SLC7A11: variants seen among roughly 807,000 people sequenced by gnomAD.
SLC7A11 encodes the protein solute carrier family 7 member 11.
Under a neutral mutation model 54.5 loss-of-function variants are expected in SLC7A11, and 35 were observed. The ratio of observed to expected loss-of-function variants is 0.64; its 90% CI spans 0.49 to 0.85. The LOEUF is 0.85. Among genes scored for constraint, SLC7A11 ranks in the 40% least tolerant of loss-of-function variants. The pLI, the probability that SLC7A11 is intolerant of heterozygous loss-of-function variation, is 0.00. For missense variants in SLC7A11, 583 were observed against 618.1 expected (o/e 0.94, Z 0.60); for synonymous variants, 230 against 225.2 (o/e 1.02, Z -0.19).
rs1211576756 is a variant in SLC7A11 at position 138,170,259 on chromosome 4, TATATATATATATACAC to T, written c.*1681_*1696del. ...GTGTGTGTGTGTGTGTGTATATATATATATATATATATACACACACACACACACACACACATACACA... is the reference window on the plus strand; with the variant it reads ...GTGTGTGTGTGTGTGTGTATATATATACACACACACACACACACATACACA... On this transcript the variant is annotated 3_prime_UTR_variant, in exon 12 of 12. Transcript: ENST00000280612. 2 of 95,934 alleles carry T rather than the reference TATATATATATATACAC, an allele frequency of 2.1e-5. No individual in the cohort carries two copies. Among genetic ancestry groups the T allele is most frequent in the Non-Finnish European group, 4.4e-5 (2 of 45,352 alleles). The allele number at this position is 95,934 out of a possible 1,614,324, so 5.9% of individuals were successfully genotyped here.
chr4:138,237,714 TATATATATATATATATATATA>T (rs1738249952), intron 1 of SLC7A11, among the ~76,000 whole-genome samples: 5 of 6,906 alleles, frequency 7.2e-4, no homozygotes, highest in African/African-American at 1.7e-3. Context: ...TATATATATA[TATATATATATATATATATATA>T]TATTTTTTTT....
intron 6 of SLC7A11, 105 bp from the exon 7 acceptor site, chr4:138,185,349 C>T (rs1736850382): frequency 3.1e-6 from 4 of 1,273,626 alleles, no homozygotes; most frequent in South Asian, 2.5e-5. Flanking sequence ...ATGGTATCTA[C>T]AATAATTATA....
Position 138,180,801 on chromosome 4 carries a change from A to G in SLC7A11, c.1117-11T>C, listed in dbSNP as rs1736722559. The G allele has an allele frequency of 1.9e-6, 3 of 1,607,018 alleles. No individual in the cohort carries two copies. The highest frequency in any genetic ancestry group is 1.1e-5 in the South Asian group (1 of 89,960). On this transcript the variant is annotated splice_polypyrimidine_tract_variant and intron_variant, in intron 9 of 11. Coordinates refer to ENST00000280612, the MANE Select transcript of SLC7A11 (RefSeq NM_014331.4). ...CATTGTCAAAGGGTGCTGAGGGGGG[A>G]AAGGGAAGCAAGCTTGGTGAATTCA...
At chr4:138,207,770 G>C (rs1032584269) in intron 6 of SLC7A11, among the ~76,000 whole-genome samples, 5 of 152,098 alleles carry the variant, frequency 3.3e-5, no homozygotes, top group Admixed American at 2.6e-4. Flanking sequence ...AAGATAAAAG[G>C]CTTCAATTAA....
chr4:138,168,216 T>C lies in SLC7A11; in HGVS notation c.*3740A>G, dbSNP rs145862671. 2 of 152,198 alleles carry C rather than the reference T, an allele frequency of 1.3e-5. No homozygotes were observed. The highest frequency in any genetic ancestry group is 2.4e-5 in the African/African-American group (1 of 41,444). 9.4% of individuals were successfully genotyped at this position (152,198 alleles called of 1,614,324 possible). ...TAGGTTCAGGACCTCGAATGGAACA[T>C]GTCTAAGTGAGAGGCACTGAAGCTT... is the stretch of plus-strand genomic sequence containing the variant. On this transcript the variant is annotated 3_prime_UTR_variant, in exon 12 of 12. Transcript: ENST00000280612.
intron 6 of SLC7A11, among the ~76,000 whole-genome samples, chr4:138,189,527 C>G (rs1240577536): frequency 1.3e-5 from 2 of 152,050 alleles, no homozygotes; most frequent in African/African-American, 4.8e-5. Flanking sequence ...TTTGTGCCTG[C>G]TTTAACTCTA....
rs887005034 is a variant in SLC7A11 at position 138,170,798 on chromosome 4, A to C, written c.*1158T>G. 4 of 152,174 alleles carry C rather than the reference A, an allele frequency of 2.6e-5. No homozygotes were observed. The highest frequency in any genetic ancestry group is 5.9e-5 in the Non-Finnish European group (4 of 68,028). The allele number at this position is 152,174 out of a possible 1,614,324, so 9.4% of individuals were successfully genotyped here. A position where few individuals can be genotyped will look rare whatever the true frequency, so the allele number is the denominator to read the frequency against. On this transcript the variant is annotated 3_prime_UTR_variant, in exon 12 of 12. Transcript: ENST00000280612. ...AATTTTCTAGAAACATCAGTTGTAA[A>C]TCTTATTTACAGCGACATTTCTTTT... is the stretch of plus-strand genomic sequence containing the variant.
In SLC7A11 at chr4:138,183,249, G is replaced by A; in HGVS notation, c.972C>T (p.Ala324=). 6.2e-7 allele frequency: 1 copy of A among 1,612,230 alleles called. No individual in the cohort carries two copies. Among genetic ancestry groups the A allele is most frequent in the Non-Finnish European group, 8.5e-7 (1 of 1,179,024 alleles). ...CGTTCATGGAGCCAAAGCAGGAGAG[G>A]GCAACAAAGATCGGAACTGCTAATG... ...NFSLAVPIFV[A]LSCFGSMNGG... is the part of the protein sequence containing the mutation. The change falls in exon 8 of 12, where the codon GCC becomes GCT. Residue 324 remains alanine, a synonymous_variant. Transcript: ENST00000280612.
At chr4:138,230,960 T>C (rs1738062743) in intron 3 of SLC7A11, among the ~76,000 whole-genome samples, 1 of 152,170 alleles carries the variant, frequency 6.6e-6, no homozygotes, top group Admixed American at 6.6e-5. Context: ...AAATGATGTT[T>C]TTCCAAAAGT....
chr4:138,215,860 C>T (rs915345012), intron 5 of SLC7A11, among the ~76,000 whole-genome samples: 3 of 152,158 alleles, frequency 2.0e-5, no homozygotes, highest in Non-Finnish European at 4.4e-5. Context: ...TAGCCAGTTC[C>T]TTCCTAACAG....
chr4:138,228,842 A>G (rs931384796), intron 3 of SLC7A11, among the ~76,000 whole-genome samples: 1 of 152,026 alleles, frequency 6.6e-6, no homozygotes, highest in Non-Finnish European at 1.5e-5. Context: ...CAAATCTATA[A>G]GATTTTCCAT....
rs1009369208 is a variant in SLC7A11, at chr4:138,232,443, T to A, written c.405-61A>T. 9 of 878,806 alleles carry A rather than the reference T, an allele frequency of 1.0e-5. No individual in the cohort carries two copies. In the African/African-American group the frequency reaches 1.2e-4, roughly 12 times the overall value. 54.4% of individuals were successfully genotyped at this position (878,806 alleles called of 1,614,324 possible). On this transcript the variant is annotated intron_variant, in intron 2 of 11. Coordinates refer to ENST00000280612, the MANE Select transcript of SLC7A11 (RefSeq NM_014331.4). ...GGGAAAAAACTGCATTTTCATTAATTTTTTCTACCTTGAGTGTATTTAGCA... is the reference window on the plus strand; with the variant it reads ...GGGAAAAAACTGCATTTTCATTAATATTTTCTACCTTGAGTGTATTTAGCA...
chr4:138,237,737 A>ATATATATTTT (rs1560742768), intron 1 of SLC7A11, among the ~76,000 whole-genome samples: 2 of 9,832 alleles, frequency 2.0e-4, no homozygotes, highest in Non-Finnish European at 3.3e-4. Flanking sequence ...ATATATATAT[A>ATATATATTTT]TTTTTTTTTT....
At position 138,204,171 on chromosome 4, in the gene SLC7A11, G is replaced by T. The variant is rs1737352995; in HGVS notation, c.791+10414C>A. 2.6e-5 allele frequency among the ~76,000 whole-genome samples: 4 copies of T among 152,066 alleles called. No individual in the cohort carries two copies. In the South Asian group the frequency reaches 8.3e-4, roughly 31 times the overall value. On this transcript the variant is annotated intron_variant, in intron 6 of 11. Transcript: ENST00000280612. ...ATCAGCTTTGTTTTCCCAAAAACCA[G>T]CTGTCGCGTTAGAAAGAGTATGAGC...
At chr4:138,188,181 A>G (rs1186371451) in intron 6 of SLC7A11, among the ~76,000 whole-genome samples, 1 of 152,138 alleles carries the variant, frequency 6.6e-6, no homozygotes, top group Non-Finnish European at 1.5e-5. Flanking sequence ...CTCCTGCCTC[A>G]GCCTCCCAGT....
intron 9 of SLC7A11, 66 bp downstream of exon 9, chr4:138,182,231 T>TG: frequency 1.0e-6 from 1 of 998,330 alleles, no homozygotes; most frequent in Non-Finnish European, 1.6e-6. Context: ...AATGTCTGGT[T>TG]GGAATTCCTT....
rs186005969 is a variant in SLC7A11 at position 138,228,209 on chromosome 4, A to G, written c.520+4058T>C. ...AGGATGGGGTTCTTAACTCATCTTT[A>G]TTTTATATAGATAAAATAAACTAGC... On this transcript the variant is annotated intron_variant, in intron 3 of 11. Transcript: ENST00000280612. Among the ~76,000 whole-genome samples, 6 of 152,188 alleles carry G rather than the reference A, an allele frequency of 3.9e-5. No individual in the cohort carries two copies. In the East Asian group the frequency reaches 1.2e-3, roughly 29 times the overall value.
intron 1 of SLC7A11, among the ~76,000 whole-genome samples, chr4:138,237,402 GTTTGTTT>G (rs1738238966): frequency 6.7e-6 from 1 of 148,274 alleles, no homozygotes; most frequent in African/African-American, 2.5e-5. Flanking sequence ...GTTTTTTTTT[GTTTGTTT>G]TTTGTTTTTT....
intron 1 of SLC7A11, among the ~76,000 whole-genome samples, chr4:138,238,742 G>A (rs1344677475): frequency 6.6e-6 from 1 of 152,040 alleles, no homozygotes; most frequent in Non-Finnish European, 1.5e-5. Context: ...TGGGACCACA[G>A]GTACACACCA....
Sources: allele counts gnomAD v4.1 joint callset (sites outside exome capture counted in the v4.1 genomes callset), GRCh38; gene constraint gnomAD v4.1.1; transcripts MANE v1.5; gene names NCBI Gene and HGNC (gene_info 2026-07-23, HGNC 2026-07-21).